Variants in MAN1A2 observed in about 807,000 individuals in gnomAD.
The protein encoded by MAN1A2 is mannosidase alpha class 1A member 2, also known as mannosyl-oligosaccharide 1,2-alpha-mannosidase IB.
Under a neutral mutation model 75.7 loss-of-function variants are expected in MAN1A2, and 26 were observed. The ratio of observed to expected loss-of-function variants is 0.34; its 90% CI spans 0.25 to 0.48. The LOEUF is 0.48. Among genes scored for constraint, MAN1A2 ranks in the 20% least tolerant of loss-of-function variants. MAN1A2 has a pLI of 0.99. For missense variants in MAN1A2, 562 were observed against 775.5 expected, an observed-to-expected ratio of 0.72 and a Z score of 3.27; for synonymous variants, 247 against 264.6, an observed-to-expected ratio of 0.93 and a Z score of 0.65.
At chr1:117,377,744 C>T (rs371486332) in intron 1 of MAN1A2, among the ~76,000 whole-genome samples, 7 of 152,346 alleles carry the variant, frequency 4.6e-5, no homozygotes, top group East Asian at 3.9e-4. Context: ...AAAAGCACCA[C>T]ACTATTTTAA....
chr1:117,493,053 C>T (rs769959482), intron 8 of MAN1A2, 94 bp from the exon 9 acceptor site: 1 of 684,400 alleles, frequency 1.5e-6, no homozygotes, highest in Non-Finnish European at 2.6e-6. Flanking sequence ...AATTATTGAC[C>T]TCTAACATAG....
intron 11 of MAN1A2, among the ~76,000 whole-genome samples, 199 bp from the exon 12 acceptor site, chr1:117,502,656 C>T (rs1651236869): frequency 6.6e-6 from 1 of 151,620 alleles, no homozygotes. Flanking sequence ...CAGAGAAGTT[C>T]TATAGGAAAC....
At chr1:117,460,744 CTT>C in intron 7 of MAN1A2, 132 bp downstream of exon 7, 1 of 1,076,116 alleles carries the variant, frequency 9.3e-7, no homozygotes, top group Non-Finnish European at 1.2e-6. Context: ...TTTATTTTTT[CTT>C]TTGAAGTTAC....
intron 5 of MAN1A2, among the ~76,000 whole-genome samples, chr1:117,440,879 C>A (rs1649008785): frequency 6.6e-6 from 1 of 151,928 alleles, no homozygotes; most frequent in South Asian, 2.1e-4. Context: ...ATACTGTTTG[C>A]TCTATAAGGT....
At chr1:117,384,273 G>A (rs142975203) in intron 1 of MAN1A2, among the ~76,000 whole-genome samples, 1 of 152,028 alleles carries the variant, frequency 6.6e-6, no homozygotes, top group Non-Finnish European at 1.5e-5. Flanking sequence ...TTCCTCTGAG[G>A]ATTGCTTTTG....
intron 8 of MAN1A2, among the ~76,000 whole-genome samples, chr1:117,472,872 T>C (rs1557964944): frequency 6.6e-6 from 1 of 151,970 alleles, no homozygotes; most frequent in Non-Finnish European, 1.5e-5. Flanking sequence ...GTGTATTTTA[T>C]GTGTGGCTCA....
At chr1:117,463,292 G>A (rs941358709) in intron 7 of MAN1A2, among the ~76,000 whole-genome samples, 2 of 151,948 alleles carry the variant, frequency 1.3e-5, no homozygotes, top group African/African-American at 2.4e-5. Context: ...GCTTCCTACC[G>A]TATCCTGAAA....
In MAN1A2 at chr1:117,525,874, A is replaced by G. The variant is rs1394195887; in HGVS notation, c.*2917A>G. The G allele has an allele frequency of 2.0e-5, 3 of 151,760 alleles. No individual in the cohort carries two copies. Among genetic ancestry groups the G allele is most frequent in the Non-Finnish European group, 4.4e-5 (3 of 67,794 alleles). The allele number at this position is 151,760 out of a possible 1,614,324, so 9.4% of individuals were successfully genotyped here. A position where few individuals can be genotyped will look rare whatever the true frequency, so the allele number is the denominator to read the frequency against. On this transcript the variant is annotated 3_prime_UTR_variant, in exon 13 of 13. Coordinates refer to ENST00000356554, the MANE Select transcript of MAN1A2 (RefSeq NM_006699.5). ...CTTTCTTGTGGGTTGCACATTTTGT[A>G]TCTCTCTAACATCAGCGTATTCCTG...
At chr1:117,442,116 A>C (rs1001285368) in intron 5 of MAN1A2, 115 bp from the exon 6 acceptor site, 12 of 598,974 alleles carry the variant, frequency 2.0e-5, no homozygotes, top group Non-Finnish European at 3.5e-5. Context: ...GCTTTTTCCT[A>C]CCCTGTGCTC....
chr1:117,429,779 C>G (rs1466952051), intron 5 of MAN1A2, among the ~76,000 whole-genome samples: 3 of 111,098 alleles, frequency 2.7e-5, no homozygotes, highest in Non-Finnish European at 5.8e-5. Context: ...CACCTCCCTC[C>G]CGGACGGGGC....
intron 8 of MAN1A2, among the ~76,000 whole-genome samples, chr1:117,469,839 TGGA>T (rs1557963657): frequency 6.6e-6 from 1 of 152,124 alleles, no homozygotes; most frequent in Non-Finnish European, 1.5e-5. Flanking sequence ...GGCAAGGATG[TGGA>T]GAAGTTGGAA....
At position 117,383,897 on chromosome 1, in the gene MAN1A2, A is replaced by G. The variant is rs138395200; in HGVS notation, c.302+15412A>G. ...CAGTCTCTTCAGTAGCTGGGACTAC[A>G]GATGCACACATCAAACAAACCAGGC... On this transcript the variant is annotated intron_variant, in intron 1 of 12. Coordinates refer to ENST00000356554, the MANE Select transcript of MAN1A2 (RefSeq NM_006699.5). Among the ~76,000 whole-genome samples, 594 of 152,274 alleles carry G rather than the reference A, an allele frequency of 3.9e-3. 3 individuals carry two copies. Among genetic ancestry groups the G allele is most frequent in the Middle Eastern group, 0.017 (5 of 294 alleles).
intron 8 of MAN1A2, among the ~76,000 whole-genome samples, chr1:117,470,637 CAGA>C (rs1207512501): frequency 1.3e-5 from 2 of 151,958 alleles, no homozygotes; most frequent in African/African-American, 4.8e-5. Flanking sequence ...GTTATTTTGG[CAGA>C]AGATCTTTAA....
intron 1 of MAN1A2, 71 bp downstream of exon 1, chr1:117,368,556 C>CT (rs879072105): frequency 9.4e-3 from 11,218 of 1,190,458 alleles, no homozygotes; most frequent in Non-Finnish European, 0.01. Flanking sequence ...TCGAATCTGT[C>CT]TTTTTTTTTT....
intron 1 of MAN1A2, among the ~76,000 whole-genome samples, chr1:117,392,419 G>A (rs541764939): frequency 6.6e-6 from 1 of 152,052 alleles, no homozygotes; most frequent in African/African-American, 2.4e-5. Context: ...TCATATACTT[G>A]TATGGTTAAC....
intron 1 of MAN1A2, among the ~76,000 whole-genome samples, chr1:117,382,814 G>A (rs1483571335): frequency 6.6e-6 from 1 of 152,142 alleles, no homozygotes; most frequent in Non-Finnish European, 1.5e-5. Context: ...CTACCCATGA[G>A]CATGGAATGT....
intron 1 of MAN1A2, among the ~76,000 whole-genome samples, chr1:117,382,398 A>G (rs952516983): frequency 6.6e-6 from 1 of 152,190 alleles, no homozygotes; most frequent in Non-Finnish European, 1.5e-5. Flanking sequence ...CTTTCTACAT[A>G]TGGCTAGCCA....
chr1:117,398,218 A>C (rs900731774), intron 1 of MAN1A2, among the ~76,000 whole-genome samples: 1 of 152,192 alleles, frequency 6.6e-6, no homozygotes, highest in African/African-American at 2.4e-5. Flanking sequence ...GGAAAGATAC[A>C]TGGTGCCATC....
At chr1:117,513,685 T>G (rs1289083057) in intron 12 of MAN1A2, among the ~76,000 whole-genome samples, 1 of 151,978 alleles carries the variant, frequency 6.6e-6, no homozygotes, top group East Asian at 1.9e-4. Flanking sequence ...ATTCTAAATG[T>G]TTTTAATCTG....
Sources: gnomAD v4.1 joint callset for allele counts (sites outside exome capture counted in the v4.1 genomes callset) on GRCh38, gnomAD v4.1.1 for gene constraint, MANE v1.5 for transcripts, NCBI Gene and HGNC (gene_info 2026-07-23, HGNC 2026-07-21) for gene names.